The following LRP10 variants were observed in gnomAD, a reference collection of about 807,000 sequenced individuals.
LRP10 encodes LDL receptor related protein 10.
A neutral mutation model predicts 58.5 loss-of-function variants in LRP10; 42 were observed. The ratio of observed to expected loss-of-function variants is 0.72; its 90% CI spans 0.56 to 0.93. The LOEUF is 0.93. LRP10 is among the 40% of genes least tolerant of loss of function. The pLI is 0.00. For missense variants in LRP10, 872 were observed against 940.1 expected (o/e 0.93, Z 0.95); for synonymous variants, 377 against 388.5 (o/e 0.97, Z 0.35).
At position 22,872,968 on chromosome 14, in the gene LRP10, T is replaced by C. The variant is rs542597128; in HGVS notation, c.79+186T>C. 6 of 637,956 alleles carry C rather than the reference T, an allele frequency of 9.4e-6. No homozygotes were observed. The African/African-American group carries it at 1.1e-4, about 12-fold the overall frequency. 39.5% of individuals were successfully genotyped at this position (637,956 alleles called of 1,614,324 possible). ...TTCATCTGGTAGTTGCTATGTACTA[T>C]TTTATTTTTTCTGGGAATATCTATG... On this transcript the variant is annotated intron_variant, in intron 2 of 6. Transcript: ENST00000359591.
At position 22,877,155 on chromosome 14, in the gene LRP10, G is replaced by C; in HGVS notation, c.1770G>C (p.Glu590Asp). 1 of 1,605,588 alleles carries C rather than the reference G, an allele frequency of 6.2e-7. No homozygotes were observed. Among genetic ancestry groups the C allele is most frequent in the Non-Finnish European group, 8.5e-7 (1 of 1,175,710 alleles). ...TCACACCTTCTGCTGCTCCCCTTGA[G>C]GCCCTAGATGGTGGCACAGGTCCAG... ...SQVTPSAAPL[E>D]ALDGGTGPAR... Residue 590 changes from glutamate (E) to aspartate (D), a missense_variant, in exon 7 of 7, where the codon GAG (glutamate) becomes GAC (aspartate). Transcript: ENST00000359591. This position sits in a 1 kb window ranked among gnomAD's most constrained non-coding sequence, Gnocchi z 5.1.
rs534498133 is a variant in LRP10, at chr14:22,879,284, C to T, written c.*1757C>T. 8.9e-5 allele frequency: 40 copies of T among 450,818 alleles called. 1 individual carries two copies. The highest frequency in any genetic ancestry group is 6.8e-4 in the Admixed American group (29 of 42,400). The allele number at this position is 450,818 out of a possible 1,614,324, so 27.9% of individuals were successfully genotyped here. On this transcript the variant is annotated 3_prime_UTR_variant, in exon 7 of 7. Transcript: ENST00000359591. ...CTGGCACCTTGGCTCAGGGAAGACC[C>T]GAGCTCCTTTCACTGCAGACCCTCT... is the stretch of plus-strand genomic sequence containing the variant.
At chr14:22,873,975 G>A (rs138013287) in intron 3 of LRP10, among the ~76,000 whole-genome samples, 8 of 152,332 alleles carry the variant, frequency 5.3e-5, no homozygotes, top group African/African-American at 1.4e-4. Flanking sequence ...TGGACATCTA[G>A]CTTGAGTCCT....
chr14:22,879,088 G>A lies in LRP10; in HGVS notation c.*1561G>A. On this transcript the variant is annotated 3_prime_UTR_variant, in exon 7 of 7. Transcript: ENST00000359591. ...GTCACCCAGCCTAGCCCCACGCCTG[G>A]CAGAGCCCATCACCCAGCCTAGCCC... The A allele has an allele frequency of 4.6e-6, 2 of 433,882 alleles. No homozygotes were observed. The highest frequency in any genetic ancestry group is 3.2e-5 in the South Asian group (2 of 62,220). 26.9% of individuals were successfully genotyped at this position (433,882 alleles called of 1,614,324 possible). A position where few individuals can be genotyped will look rare whatever the true frequency, so the allele number is the denominator to read the frequency against.
At position 22,875,748 on chromosome 14, in the gene LRP10, A is replaced by G. The variant is rs1163331165; in HGVS notation, c.800A>G (p.His267Arg). 2 of 1,613,708 alleles carry G rather than the reference A, an allele frequency of 1.2e-6. No homozygotes were observed. The highest frequency in any genetic ancestry group is 3.3e-5 in the Admixed American group (2 of 59,984). The change falls in exon 5 of 7, where the codon CAC (histidine) becomes CGC (arginine). Residue 267 changes from histidine (H) to arginine (R), a missense_variant. Physicochemically the swap from His to Arg is conservative, Grantham distance 29. Transcript: ENST00000359591. The stretch of plus-strand genomic sequence containing the variant: ...TCCCGACTACTGCGTAGTCTCACCC[A>G]CTTCAGCAATGGCAAGGCTGTCACT... ...ESSRLLRSLT[H>R]FSNGKAVTVE...
chr14:22,875,147 G>A lies in LRP10; in HGVS notation c.308G>A (p.Ser103Asn). 1 of 1,613,734 alleles carries A rather than the reference G, an allele frequency of 6.2e-7. No homozygotes were observed. Among genetic ancestry groups the A allele is most frequent in the Middle Eastern group, 1.7e-4 (1 of 6,060 alleles). ...PLISLCEAPPSPLQLPGGNVT... is the reference protein window; with the variant it reads ...PLISLCEAPPNPLQLPGGNVT... ...ATCTCCCTGTGTGAGGCACCTCCCA[G>A]CCCTCTGCAGCTGCCCGGGGGCAAC... is the stretch of plus-strand genomic sequence containing the variant. Residue 103 changes from serine to asparagine, a missense_variant, in exon 4 of 7, where the codon AGC becomes AAC. Transcript: ENST00000359591.
At position 22,875,584 on chromosome 14, in the gene LRP10, C is replaced by T; in HGVS notation, c.636C>T (p.Ala212=). The change falls in exon 5 of 7, where the codon GCC becomes GCT. Residue 212 remains alanine (A), a synonymous_variant. Transcript: ENST00000359591. ...VFSSPGYTHL[A]SVSHPQSCHW... ...CCTCTCCTGGATATACACACCTAGC[C>T]TCAGTCTCCCACCCCCAGTCCTGCC... The T allele has an allele frequency of 6.2e-7, 1 of 1,614,172 alleles. No individual in the cohort carries two copies. Among genetic ancestry groups the T allele is most frequent in the Non-Finnish European group, 8.5e-7 (1 of 1,180,036 alleles).
chr14:22,872,447 C>T lies in LRP10; in HGVS notation c.34+110C>T. The T allele has an allele frequency of 9.0e-6, 12 of 1,334,676 alleles. 1 individual carries two copies. The South Asian group carries it at 1.5e-4, about 16-fold the overall frequency. The allele number at this position is 1,334,676 out of a possible 1,614,324, so 82.7% of individuals were successfully genotyped here. ...TCCTGCCTGCCCATTCCCCCCAGCC[C>T]CTGCCGCCAGCCCCAGCACTGCCGG... On this transcript the variant is annotated intron_variant, in intron 1 of 6. Coordinates refer to ENST00000359591, the MANE Select transcript of LRP10 (RefSeq NM_014045.5).
At position 22,880,387 on chromosome 14, in the gene LRP10, AAAG is replaced by A. The variant is rs1210219126; in HGVS notation, c.*2865_*2867del. On this transcript the variant is annotated 3_prime_UTR_variant, in exon 7 of 7. Coordinates refer to ENST00000359591, the MANE Select transcript of LRP10 (RefSeq NM_014045.5). Reference sequence around the variant, plus strand: ...GAGACTCCTTCTCCAAAAAAAAAGAAAAGAAGATACCAGAACTCAGTCCTTAAG... The same window carrying A: ...GAGACTCCTTCTCCAAAAAAAAAGAAAAGATACCAGAACTCAGTCCTTAAG... 6.6e-6 allele frequency: 1 copy of A among 152,088 alleles called. No individual in the cohort carries two copies. The allele number at this position is 152,088 out of a possible 1,614,324, so 9.4% of individuals were successfully genotyped here. A position where few individuals can be genotyped will look rare whatever the true frequency, so the allele number is the denominator to read the frequency against.
rs541850493 is a variant in LRP10, at chr14:22,875,885, A to C, written c.937A>C (p.Arg313=). 1 of 1,613,372 alleles carries C rather than the reference A, an allele frequency of 6.2e-7. No individual in the cohort carries two copies. The highest frequency in any genetic ancestry group is 1.3e-5 in the African/African-American group (1 of 74,946). ...HVRGYCLPWD[R]PCGLGSGLGA... ...GCGGGGCTATTGCTTGCCTTGGGAC[A>C]GACCCTGTGGCTTAGGCTCTGGCCT... The change falls in exon 5 of 7, where the codon AGA becomes CGA. Residue 313 remains arginine, a synonymous_variant. Coordinates refer to ENST00000359591, the MANE Select transcript of LRP10 (RefSeq NM_014045.5).
Position 22,879,410 on chromosome 14 carries a change from G to C in LRP10, c.*1883G>C. The C allele has an allele frequency of 3.5e-6, 1 of 289,552 alleles. No individual in the cohort carries two copies. The highest frequency in any genetic ancestry group is 3.8e-5 in the Admixed American group (1 of 26,450). 17.9% of individuals were successfully genotyped at this position (289,552 alleles called of 1,614,324 possible). On this transcript the variant is annotated 3_prime_UTR_variant, in exon 7 of 7. Coordinates refer to ENST00000359591, the MANE Select transcript of LRP10 (RefSeq NM_014045.5). ...GCAAACAATCCAGGATCCACTCAGC[G>C]TCAGGCCCAATGGAAATAGTGAAGC...
rs1241903167 is a variant in LRP10 at position 22,881,393 on chromosome 14, AC to A, written c.*3867del. 9 of 152,236 alleles carry A rather than the reference AC, an allele frequency of 5.9e-5. No homozygotes were observed. The highest frequency in any genetic ancestry group is 1.9e-4 in the African/African-American group (8 of 41,464). The allele number at this position is 152,236 out of a possible 1,614,324, so 9.4% of individuals were successfully genotyped here. ...TGGAAGGAAGTCATTCTAAAATGTT[AC>A]ACTTGTCTTCAGCATATCTGCAATA... On this transcript the variant is annotated 3_prime_UTR_variant, in exon 7 of 7. Transcript: ENST00000359591.
rs1434428400 is a variant in LRP10, at chr14:22,879,234, T to C, written c.*1707T>C. On this transcript the variant is annotated 3_prime_UTR_variant, in exon 7 of 7. Coordinates refer to ENST00000359591, the MANE Select transcript of LRP10 (RefSeq NM_014045.5). Reference sequence around the variant, plus strand: ...CCTGAGGAAGTAGCAGAGAGGGGTGTGGGCCCATGTGCAGTTCTGGGACCC... The same window carrying C: ...CCTGAGGAAGTAGCAGAGAGGGGTGCGGGCCCATGTGCAGTTCTGGGACCC... The C allele has an allele frequency of 4.4e-6, 2 of 456,600 alleles. No homozygotes were observed. Among genetic ancestry groups the C allele is most frequent in the Admixed American group, 4.7e-5 (2 of 42,578 alleles). 28.3% of individuals were successfully genotyped at this position (456,600 alleles called of 1,614,324 possible).
At position 22,871,850 on chromosome 14, in the gene LRP10, GC is replaced by G; in HGVS notation, c.-453del. 5.5e-6 allele frequency: 1 copy of G among 180,208 alleles called. No homozygotes were observed. Among genetic ancestry groups the G allele is most frequent in the South Asian group, 8.9e-5 (1 of 11,228 alleles). 11.2% of individuals were successfully genotyped at this position (180,208 alleles called of 1,614,324 possible). ...CTCCCCCGCTTCCCTGTCGCGCTCC[GC>G]TGGCTGGACGCGCTGGAGGAGTGGA... On this transcript the variant is annotated 5_prime_UTR_variant, in exon 1 of 7. Transcript: ENST00000359591.
chr14:22,873,162 T>G, intron 2 of LRP10, 149 bp from the exon 3 acceptor site: 2 of 900,522 alleles, frequency 2.2e-6, no homozygotes, highest in Non-Finnish European at 3.4e-6. Context: ...TAGAAGGCTG[T>G]AACTCTAGGC....
intron 3 of LRP10, among the ~76,000 whole-genome samples, chr14:22,874,369 G>A (rs1470906002): frequency 6.6e-6 from 1 of 152,192 alleles, no homozygotes; most frequent in Non-Finnish European, 1.5e-5. Context: ...ATAAGATGGT[G>A]AGTTCTGGTT....
chr14:22,872,416 A>C (rs2039964667), intron 1 of LRP10, 79 bp downstream of exon 1: 2 of 1,544,716 alleles, frequency 1.3e-6, no homozygotes, highest in Admixed American at 1.7e-5. Flanking sequence ...GCGGCCCCGC[A>C]CTCTATCCTG....
At chr14:22,872,898 T>G in intron 2 of LRP10, 116 bp downstream of exon 2, 1 of 1,032,252 alleles carries the variant, frequency 9.7e-7, no homozygotes, top group Non-Finnish European at 1.5e-6. Flanking sequence ...GGGAGATAAT[T>G]TAGCCTTTAT....
intron 3 of LRP10, 61 bp downstream of exon 3, chr14:22,873,507 A>C: frequency 6.4e-7 from 1 of 1,562,870 alleles, no homozygotes; most frequent in Admixed American, 1.9e-5. Context: ...CCTCCATTGG[A>C]AGTCTTCAGG....
Sources: allele counts gnomAD v4.1 joint callset (sites outside exome capture counted in the v4.1 genomes callset), GRCh38; gene constraint gnomAD v4.1.1; non-coding constraint Gnocchi (gnomAD v3.1); transcripts MANE v1.5; gene names NCBI Gene and HGNC (gene_info 2026-07-23, HGNC 2026-07-21).